The following GTF2H4 variants were observed in gnomAD, a reference collection of about 807,000 sequenced individuals.
GTF2H4 encodes BTF2 p52.
Under a neutral mutation model 62.2 loss-of-function variants are expected in GTF2H4, and 49 were observed. That is an observed-to-expected ratio of 0.79 (90% CI 0.63 to 1.00). The LOEUF (loss-of-function observed/expected upper bound fraction) is 1.00. GTF2H4 is among the 50% of genes least tolerant of loss of function. GTF2H4 has a pLI of 0.00. For synonymous variants in GTF2H4, 189 were observed against 233.8 expected, an observed-to-expected ratio of 0.81 and a Z score of 1.75; for missense variants, 479 against 587.8, an observed-to-expected ratio of 0.81 and a Z score of 1.91.
At position 30,909,795 on chromosome 6, in the gene GTF2H4, C is replaced by A; in HGVS notation, c.243-137C>A. 1.2e-6 allele frequency: 1 copy of A among 824,052 alleles called. No individual in the cohort carries two copies. Among genetic ancestry groups the A allele is most frequent in the Non-Finnish European group, 1.9e-6 (1 of 513,788 alleles). The allele number at this position is 824,052 out of a possible 1,614,324, so 51.0% of individuals were successfully genotyped here. On this transcript the variant is annotated intron_variant, in intron 3 of 13. Coordinates refer to ENST00000259895, the MANE Select transcript of GTF2H4 (RefSeq NM_001517.5). The surrounding 1 kb of genome is among the most constrained non-coding windows in gnomAD (Gnocchi z 4.3). ...ATAAGTAATGCAGTAAAGAATTTGT[C>A]TTAGGAAGATACTAATTTCACTCTG...
rs752326271 is a variant in GTF2H4 at position 30,910,097 on chromosome 6, A to G, written c.374+34A>G. On this transcript the variant is annotated intron_variant, in intron 4 of 13. Coordinates refer to ENST00000259895, the MANE Select transcript of GTF2H4 (RefSeq NM_001517.5). This position sits in a 1 kb window ranked among gnomAD's most constrained non-coding sequence, Gnocchi z 4.7. ...CTTCTCTCTCTTCCTAAGCTAGGGC[A>G]GGGGAACTGCTGCTTATTAAACCAC... is the stretch of plus-strand genomic sequence containing the variant. 6.2e-7 allele frequency: 1 copy of G among 1,606,892 alleles called. No homozygotes were observed. Among genetic ancestry groups the G allele is most frequent in the South Asian group, 1.1e-5 (1 of 90,328 alleles).
rs116013990 is a variant in GTF2H4, at chr6:30,908,447, G to T, written c.-4+44G>T. On this transcript the variant is annotated intron_variant, in intron 1 of 13. Transcript: ENST00000259895. ...GCGGGAGTGGCAGAGGTATGAGAGAGAGAGAGGTGAGTGGGAGGCGAAGAG... is the reference window on the plus strand; with the variant it reads ...GCGGGAGTGGCAGAGGTATGAGAGATAGAGAGGTGAGTGGGAGGCGAAGAG... The T allele has an allele frequency of 2.6e-3, 436 of 167,896 alleles. 4 individuals carry two copies. Among genetic ancestry groups the T allele is most frequent in the African/African-American group, 9.8e-3 (408 of 41,710 alleles). The allele number at this position is 167,896 out of a possible 1,614,324, so 10.4% of individuals were successfully genotyped here. A position where few individuals can be genotyped will look rare whatever the true frequency, so the allele number is the denominator to read the frequency against.
rs746842478 is a variant in GTF2H4 at position 30,909,689 on chromosome 6, T to A, written c.242+150T>A. ...TCTGCATATTGCCTTTTCCCTTTTATTTATTTCCCAGCTGAGATCTTGCTT... is the reference window on the plus strand; with the variant it reads ...TCTGCATATTGCCTTTTCCCTTTTAATTATTTCCCAGCTGAGATCTTGCTT... On this transcript the variant is annotated intron_variant, in intron 3 of 13. Coordinates refer to ENST00000259895, the MANE Select transcript of GTF2H4 (RefSeq NM_001517.5). This position sits in a 1 kb window ranked among gnomAD's most constrained non-coding sequence, Gnocchi z 4.3. 23 of 644,962 alleles carry A rather than the reference T, an allele frequency of 3.6e-5. No homozygotes were observed. Among genetic ancestry groups the A allele is most frequent in the Non-Finnish European group, 5.6e-5 (21 of 373,436 alleles). The allele number at this position is 644,962 out of a possible 1,614,324, so 40.0% of individuals were successfully genotyped here. A position where few individuals can be genotyped will look rare whatever the true frequency, so the allele number is the denominator to read the frequency against.
chr6:30,910,090 C>G lies in GTF2H4; in HGVS notation c.374+27C>G, dbSNP rs1415935914. ...TATGTCACTTCTCTCTCTTCCTAAG[C>G]TAGGGCAGGGGAACTGCTGCTTATT... On this transcript the variant is annotated intron_variant, in intron 4 of 13. Transcript: ENST00000259895. The surrounding 1 kb of genome is among the most constrained non-coding windows in gnomAD (Gnocchi z 4.7). The G allele has an allele frequency of 3.1e-6, 5 of 1,607,884 alleles. No homozygotes were observed. The highest frequency in any genetic ancestry group is 1.7e-4 in the Middle Eastern group (1 of 6,032).
At position 30,911,009 on chromosome 6, in the gene GTF2H4, T is replaced by C. The variant is rs1793740739; in HGVS notation, c.560+68T>C. On this transcript the variant is annotated intron_variant, in intron 6 of 13. Transcript: ENST00000259895. This position sits in a 1 kb window ranked among gnomAD's most constrained non-coding sequence, Gnocchi z 4.3. ...CCTTGGGTCCCTAAGAAATGGTATC[T>C]GGGGCTAGTCAAGATCAGAGGACAT... The C allele has an allele frequency of 1.4e-6, 2 of 1,393,400 alleles. No individual in the cohort carries two copies. Among genetic ancestry groups the C allele is most frequent in the African/African-American group, 2.8e-5 (2 of 70,690 alleles). The allele number at this position is 1,393,400 out of a possible 1,614,324, so 86.3% of individuals were successfully genotyped here.
At position 30,913,964 on chromosome 6, in the gene GTF2H4, G is replaced by T. The variant is rs761347915; in HGVS notation, c.1370G>T (p.Arg457Leu). The T allele has an allele frequency of 2.5e-6, 4 of 1,601,562 alleles. No homozygotes were observed. The highest frequency in any genetic ancestry group is 3.4e-6 in the Non-Finnish European group (4 of 1,174,176). ...GHSDVKRFWK[R>L]QKHSS ...AGCGACGTCAAGCGCTTTTGGAAGCGGCAGAAACATAGCTCCTGAGAGCGC... is the reference window on the plus strand; with the variant it reads ...AGCGACGTCAAGCGCTTTTGGAAGCTGCAGAAACATAGCTCCTGAGAGCGC... Residue 457 changes from arginine (R) to leucine (L), a missense_variant, in exon 14 of 14, where the codon CGG becomes CTG. Arg to Leu is a moderately radical substitution (Grantham distance 102). Coordinates refer to ENST00000259895, the MANE Select transcript of GTF2H4 (RefSeq NM_001517.5). The surrounding 1 kb of genome is among the most constrained non-coding windows in gnomAD (Gnocchi z 4.2).
At chr6:30,908,623 GA>G in intron 1 of GTF2H4, among the ~76,000 whole-genome samples, 1 of 152,206 alleles carries the variant, frequency 6.6e-6, no homozygotes, top group Non-Finnish European at 1.5e-5. Context: ...AGTGGGCTAA[GA>G]GATAGAAGAT....
At position 30,911,404 on chromosome 6, in the gene GTF2H4, C is replaced by T; in HGVS notation, c.673-27C>T. On this transcript the variant is annotated intron_variant, in intron 7 of 13. Coordinates refer to ENST00000259895, the MANE Select transcript of GTF2H4 (RefSeq NM_001517.5). The surrounding 1 kb of genome is among the most constrained non-coding windows in gnomAD (Gnocchi z 4.3). ...CCATTGTCTCCCTCCCATCCCTCCT[C>T]CTTTGTCTCTGCCTCTTTCTCCCTA... 2 of 1,602,466 alleles carry T rather than the reference C, an allele frequency of 1.2e-6. No homozygotes were observed. Among genetic ancestry groups the T allele is most frequent in the East Asian group, 2.2e-5 (1 of 44,826 alleles).
In GTF2H4 at chr6:30,911,092, G is replaced by A; in HGVS notation, c.561-66G>A. On this transcript the variant is annotated intron_variant, in intron 6 of 13. Coordinates refer to ENST00000259895, the MANE Select transcript of GTF2H4 (RefSeq NM_001517.5). This position sits in a 1 kb window ranked among gnomAD's most constrained non-coding sequence, Gnocchi z 4.3. ...CCAGAGATACCAAGAAAAAACGTGA[G>A]TGGACAAGTGGGGATAGTAGTCTTT... 2 of 1,402,972 alleles carry A rather than the reference G, an allele frequency of 1.4e-6. No individual in the cohort carries two copies. The highest frequency in any genetic ancestry group is 2.0e-6 in the Non-Finnish European group (2 of 990,346). 86.9% of individuals were successfully genotyped at this position (1,402,972 alleles called of 1,614,324 possible). A position where few individuals can be genotyped will look rare whatever the true frequency, so the allele number is the denominator to read the frequency against.
In GTF2H4 at chr6:30,911,052, C is replaced by A; in HGVS notation, c.561-106C>A. ...GAGGACATTAGCTGGAAAAGGCAAG[C>A]TGAGTAGAATATAGCCAGAGATACC... On this transcript the variant is annotated intron_variant, in intron 6 of 13. Coordinates refer to ENST00000259895, the MANE Select transcript of GTF2H4 (RefSeq NM_001517.5). The surrounding 1 kb of genome is among the most constrained non-coding windows in gnomAD (Gnocchi z 4.3). 3 of 1,324,810 alleles carry A rather than the reference C, an allele frequency of 2.3e-6. No homozygotes were observed. The highest frequency in any genetic ancestry group is 2.1e-6 in the Non-Finnish European group (2 of 930,768). The allele number at this position is 1,324,810 out of a possible 1,614,324, so 82.1% of individuals were successfully genotyped here.
Position 30,912,153 on chromosome 6 carries a change from C to T in GTF2H4, c.958+7C>T, listed in dbSNP as rs752018406. On this transcript the variant is annotated splice_region_variant and intron_variant, in intron 10 of 13. Transcript: ENST00000259895. The surrounding 1 kb of genome is among the most constrained non-coding windows in gnomAD (Gnocchi z 4.8). ...CGACTGTATGCCTACACGGGTGAGG[C>T]GGGACAGAGGGCCCCTGGAAGAGGA... 1.4e-5 allele frequency: 23 copies of T among 1,612,104 alleles called. No homozygotes were observed. Among genetic ancestry groups the T allele is most frequent in the East Asian group, 4.5e-5 (2 of 44,850 alleles).
At position 30,913,993 on chromosome 6, in the gene GTF2H4, A is replaced by C; in HGVS notation, c.*10A>C. The C allele has an allele frequency of 1.3e-6, 2 of 1,574,858 alleles. No individual in the cohort carries two copies. Among genetic ancestry groups the C allele is most frequent in the Non-Finnish European group, 1.7e-6 (2 of 1,158,594 alleles). Reference sequence around the variant, plus strand: ...GAAACATAGCTCCTGAGAGCGCGGGACTTGGACACGGACCTCGGCGGGCGG... The same window carrying C: ...GAAACATAGCTCCTGAGAGCGCGGGCCTTGGACACGGACCTCGGCGGGCGG... On this transcript the variant is annotated 3_prime_UTR_variant, in exon 14 of 14. Coordinates refer to ENST00000259895, the MANE Select transcript of GTF2H4 (RefSeq NM_001517.5). This position sits in a 1 kb window ranked among gnomAD's most constrained non-coding sequence, Gnocchi z 4.2.
At position 30,909,577 on chromosome 6, in the gene GTF2H4, A is replaced by G; in HGVS notation, c.242+38A>G. On this transcript the variant is annotated intron_variant, in intron 3 of 13. Coordinates refer to ENST00000259895, the MANE Select transcript of GTF2H4 (RefSeq NM_001517.5). The surrounding 1 kb of genome is among the most constrained non-coding windows in gnomAD (Gnocchi z 4.3). Reference sequence around the variant, plus strand: ...CAGATACAAATTTCTCAACAGCTACATTTCCCAAACTGCTGTTCCTTGGAG... The same window carrying G: ...CAGATACAAATTTCTCAACAGCTACGTTTCCCAAACTGCTGTTCCTTGGAG... 7.8e-7 allele frequency: 1 copy of G among 1,274,886 alleles called. No individual in the cohort carries two copies. The highest frequency in any genetic ancestry group is 1.9e-4 in the Middle Eastern group (1 of 5,404). 79.0% of individuals were successfully genotyped at this position (1,274,886 alleles called of 1,614,324 possible).
chr6:30,909,194 A>C lies in GTF2H4; in HGVS notation c.137+21A>C, dbSNP rs976503306. Reference sequence around the variant, plus strand: ...TTCAGGTGAGAAGCCCCTTCATGGCAGGGAAATGTAATGGGGTCTGCGGAG... The same window carrying C: ...TTCAGGTGAGAAGCCCCTTCATGGCCGGGAAATGTAATGGGGTCTGCGGAG... On this transcript the variant is annotated intron_variant, in intron 2 of 13. Transcript: ENST00000259895. The surrounding 1 kb of genome is among the most constrained non-coding windows in gnomAD (Gnocchi z 4.3). 6.2e-7 allele frequency: 1 copy of C among 1,607,888 alleles called. No individual in the cohort carries two copies. The highest frequency in any genetic ancestry group is 1.7e-5 in the Admixed American group (1 of 59,366).
chr6:30,909,054 A>G lies in GTF2H4; in HGVS notation c.18A>G (p.Ser6=), dbSNP rs149785679. MESTP[S]RGLNRVHLQC... is the part of the protein sequence containing the mutation. The stretch of plus-strand genomic sequence containing the variant: ...CTCAGGTGATGGAGAGCACCCCTTC[A>G]AGGGGACTGAACCGAGTACACCTAC... Residue 6 remains serine, a synonymous_variant, in exon 2 of 14, where the codon TCA becomes TCG. Transcript: ENST00000259895. The surrounding 1 kb of genome is among the most constrained non-coding windows in gnomAD (Gnocchi z 4.3). 3 of 1,614,030 alleles carry G rather than the reference A, an allele frequency of 1.9e-6. No homozygotes were observed. In the African/African-American group the frequency reaches 4.0e-5, roughly 22 times the overall value.
In GTF2H4 at chr6:30,913,073, G is replaced by C. The variant is rs1221407411; in HGVS notation, c.1090-37G>C. 4.3e-6 allele frequency: 7 copies of C among 1,611,256 alleles called. No homozygotes were observed. Among genetic ancestry groups the C allele is most frequent in the African/African-American group, 2.7e-5 (2 of 74,846 alleles). ...GCTCAGATGGCTTTCCTGCCTTCTTGCTGGAGCCCTCATGCCATTCTTGTC... is the reference window on the plus strand; with the variant it reads ...GCTCAGATGGCTTTCCTGCCTTCTTCCTGGAGCCCTCATGCCATTCTTGTC... On this transcript the variant is annotated intron_variant, in intron 11 of 13. Transcript: ENST00000259895. The surrounding 1 kb of genome is among the most constrained non-coding windows in gnomAD (Gnocchi z 4.2).
rs1465523014 is a variant in GTF2H4 at position 30,913,090 on chromosome 6, ATTC to A, written c.1090-17_1090-15del. On this transcript the variant is annotated splice_polypyrimidine_tract_variant and intron_variant, in intron 11 of 13. Coordinates refer to ENST00000259895, the MANE Select transcript of GTF2H4 (RefSeq NM_001517.5). This position sits in a 1 kb window ranked among gnomAD's most constrained non-coding sequence, Gnocchi z 4.2. ...GCCTTCTTGCTGGAGCCCTCATGCC[ATTC>A]TTGTCTGTTTTCCTAGATAATCCAT... The A allele has an allele frequency of 3.7e-6, 6 of 1,613,870 alleles. No homozygotes were observed. In the South Asian group the frequency reaches 6.6e-5, roughly 18 times the overall value.
Position 30,913,048 on chromosome 6 carries a change from G to A in GTF2H4, c.1090-62G>A, listed in dbSNP as rs1252731499. 2 of 1,535,950 alleles carry A rather than the reference G, an allele frequency of 1.3e-6. No individual in the cohort carries two copies. Among genetic ancestry groups the A allele is most frequent in the African/African-American group, 1.4e-5 (1 of 73,122 alleles). ...GATGTTCCAGTGACATTAGGTGACA[G>A]CTCAGATGGCTTTCCTGCCTTCTTG... On this transcript the variant is annotated intron_variant, in intron 11 of 13. Coordinates refer to ENST00000259895, the MANE Select transcript of GTF2H4 (RefSeq NM_001517.5). This position sits in a 1 kb window ranked among gnomAD's most constrained non-coding sequence, Gnocchi z 4.2.
Position 30,909,331 on chromosome 6 carries a change from A to G in GTF2H4, c.138-104A>G. 8.2e-7 allele frequency: 1 copy of G among 1,220,132 alleles called. No homozygotes were observed. The allele number at this position is 1,220,132 out of a possible 1,614,324, so 75.6% of individuals were successfully genotyped here. A position where few individuals can be genotyped will look rare whatever the true frequency, so the allele number is the denominator to read the frequency against. On this transcript the variant is annotated intron_variant, in intron 2 of 13. Transcript: ENST00000259895. This position sits in a 1 kb window ranked among gnomAD's most constrained non-coding sequence, Gnocchi z 4.3. Reference sequence around the variant, plus strand: ...GGAGGCCAAAACAGCAGGACTGGTAAAGTTGTGCTGGAGTGAGATGAGATG... The same window carrying G: ...GGAGGCCAAAACAGCAGGACTGGTAGAGTTGTGCTGGAGTGAGATGAGATG...
Sources: gnomAD v4.1 joint callset for allele counts (sites outside exome capture counted in the v4.1 genomes callset) on GRCh38, gnomAD v4.1.1 for gene constraint, Gnocchi (gnomAD v3.1) non-coding constraint, MANE v1.5 for transcripts, NCBI Gene and HGNC (gene_info 2026-07-23, HGNC 2026-07-21) for gene names.